The following CFAP96 variants were observed in gnomAD, a reference collection of about 807,000 sequenced individuals.
The protein encoded by CFAP96 is cilia and flagella associated protein 96, also known as cilia-and flagella-associated protein 96.
chr4:185,430,458 C>T, the CFAP96 span, among the ~76,000 whole-genome samples: 92,907 of 152,118 alleles, frequency 0.61, 31,513 homozygotes, highest in East Asian at 0.82. Flanking sequence ...TGAAAATATT[C>T]ACTTGAACAT....
the CFAP96 span, among the ~76,000 whole-genome samples, chr4:185,436,745 TTC>T: frequency 9.5e-4 from 142 of 149,164 alleles, no homozygotes; most frequent in African/African-American, 3.2e-3. Flanking sequence ...ATAATAATAA[TTC>T]ACTTGAGATC....
the CFAP96 span, among the ~76,000 whole-genome samples, chr4:185,447,470 A>G: frequency 8.4e-4 from 128 of 152,166 alleles, no homozygotes; most frequent in Non-Finnish European, 1.5e-3. Flanking sequence ...TTGATCCACC[A>G]CGCCCGGCCG....
At chr4:185,433,546 A>G in the CFAP96 span, among the ~76,000 whole-genome samples, 3 of 151,994 alleles carry the variant, frequency 2.0e-5, no homozygotes, top group African/African-American at 7.3e-5. Flanking sequence ...TACTTTGTAT[A>G]ACTTATACTT....
At chr4:185,449,639 T>C in the CFAP96 span, 1 of 1,536,254 alleles carries the variant, frequency 6.5e-7, no homozygotes, top group Non-Finnish European at 8.8e-7. Context: ...AGTACCATCC[T>C]ATTAGCAACT....
chr4:185,424,098 T>TA, the CFAP96 span, among the ~76,000 whole-genome samples: 1 of 150,246 alleles, frequency 6.7e-6, no homozygotes, highest in Non-Finnish European at 1.5e-5. Context: ...GCCCAGGAGT[T>TA]AGAGACCAGA....
At chr4:185,437,627 T>C in the CFAP96 span, among the ~76,000 whole-genome samples, 1 of 152,194 alleles carries the variant, frequency 6.6e-6, no homozygotes, top group Non-Finnish European at 1.5e-5. Flanking sequence ...TTGGTTCTTA[T>C]AAAATTGTAT....
the CFAP96 span, chr4:185,418,705 C>T: frequency 2.2e-5 from 36 of 1,613,588 alleles, 1 homozygote; most frequent in East Asian, 5.4e-4. Context: ...AACACAAGGG[C>T]GTTTGAAGAC....
the CFAP96 span, among the ~76,000 whole-genome samples, chr4:185,434,204 A>G: frequency 2.0e-5 from 3 of 152,194 alleles, no homozygotes; most frequent in African/African-American, 7.2e-5. Flanking sequence ...AGCCTGGGCA[A>G]CAGAGTGAGA....
At chr4:185,428,442 G>A in the CFAP96 span, among the ~76,000 whole-genome samples, 221 of 151,602 alleles carry the variant, frequency 1.5e-3, 3 homozygotes, top group Middle Eastern at 0.01. Flanking sequence ...GCATGGTGGC[G>A]CGTGTCTGTA....
the CFAP96 span, chr4:185,415,387 A>C: frequency 6.8e-7 from 1 of 1,474,884 alleles, no homozygotes; most frequent in Non-Finnish European, 9.1e-7. Context: ...CAAAAGTTAT[A>C]GTGACTACAA....
At chr4:185,415,884 T>C in the CFAP96 span, 1 of 1,590,116 alleles carries the variant, frequency 6.3e-7, no homozygotes, top group Non-Finnish European at 8.6e-7. Flanking sequence ...AGATAAACAG[T>C]AATAGTCAAC....
At chr4:185,448,788 G>C in the CFAP96 span, among the ~76,000 whole-genome samples, 1 of 152,142 alleles carries the variant, frequency 6.6e-6, no homozygotes, top group Non-Finnish European at 1.5e-5. Flanking sequence ...GTGTGGGAAG[G>C]GGGCAGTATT....
the CFAP96 span, chr4:185,408,476 A>T: frequency 5.7e-6 from 9 of 1,576,104 alleles, no homozygotes; most frequent in Admixed American, 3.4e-5. Flanking sequence ...TTAACTTAGG[A>T]TAGAAGTACA....
chr4:185,439,225 C>A, the CFAP96 span, among the ~76,000 whole-genome samples: 3 of 152,004 alleles, frequency 2.0e-5, no homozygotes, highest in African/African-American at 7.3e-5. Flanking sequence ...TCAAGTGATT[C>A]CCATGACAAG....
the CFAP96 span, among the ~76,000 whole-genome samples, chr4:185,431,209 C>T: frequency 1.1e-5 from 1 of 88,592 alleles, no homozygotes; most frequent in Non-Finnish European, 2.3e-5. Context: ...GACTCCGTCT[C>T]AAAAAAAAAA....
chr4:185,418,827 G>A, the CFAP96 span: 2 of 1,343,882 alleles, frequency 1.5e-6, no homozygotes, highest in Non-Finnish European at 2.0e-6. Context: ...AACATGAATG[G>A]TTCCAAACAT....
At chr4:185,419,771 T>C in the CFAP96 span, among the ~76,000 whole-genome samples, 1 of 152,264 alleles carries the variant, frequency 6.6e-6, no homozygotes, top group African/African-American at 2.4e-5. Context: ...TATGGCAGGA[T>C]AATATTCCAT....
the CFAP96 span, among the ~76,000 whole-genome samples, chr4:185,428,108 CT>C: frequency 1.5e-3 from 221 of 150,488 alleles, 1 homozygote; most frequent in African/African-American, 4.6e-3. Flanking sequence ...AAAAATGGTT[CT>C]TACTTTGGAT....
the CFAP96 span, among the ~76,000 whole-genome samples, chr4:185,423,904 C>T: frequency 6.6e-6 from 1 of 152,066 alleles, no homozygotes. Flanking sequence ...TTTCATGAGA[C>T]TCTCAAAACA....
Sources: gnomAD v4.1 joint callset for allele counts (sites outside exome capture counted in the v4.1 genomes callset) on GRCh38, gnomAD v4.1.1 for gene constraint, MANE v1.5 for transcripts, NCBI Gene and HGNC (gene_info 2026-07-23, HGNC 2026-07-21) for gene names.